TASP1: variants seen among roughly 807,000 people sequenced by gnomAD.
The protein encoded by TASP1 is threonine aspartase 1.
TASP1 carries 16 observed loss-of-function variants against 56.6 expected under a neutral mutation model. The ratio of observed to expected loss-of-function variants is 0.28; its 90% CI spans 0.19 to 0.43. The LOEUF (loss-of-function observed/expected upper bound fraction) is 0.43. TASP1 is among the 20% of genes least tolerant of loss of function. The pLI is 1.00. For synonymous variants in TASP1, 179 were observed against 184.2 expected, an observed-to-expected ratio of 0.97 and a Z score of 0.23; for missense variants, 393 against 511.6, an observed-to-expected ratio of 0.77 and a Z score of 2.24.
At chr20:13,353,915 A>T in the TASP1 span, among the ~76,000 whole-genome samples, 3 of 152,226 alleles carry the variant, frequency 2.0e-5, no homozygotes, top group African/African-American at 7.2e-5. Flanking sequence ...GAGGAAAAAA[A>T]GTAATACGAA....
At chr20:13,278,843 C>A in the TASP1 span, among the ~76,000 whole-genome samples, 2 of 152,180 alleles carry the variant, frequency 1.3e-5, no homozygotes, top group African/African-American at 2.4e-5. Flanking sequence ...CAGAGCTAGA[C>A]GTGGGCTGAG....
chr20:13,285,559 G>C, the TASP1 span, among the ~76,000 whole-genome samples: 1 of 152,198 alleles, frequency 6.6e-6, no homozygotes, highest in Non-Finnish European at 1.5e-5. Context: ...CTTGGGGGAA[G>C]AGTTCCCTGC....
At chr20:13,370,256 A>G in the TASP1 span, among the ~76,000 whole-genome samples, 1 of 152,186 alleles carries the variant, frequency 6.6e-6, no homozygotes, top group Non-Finnish European at 1.5e-5. Flanking sequence ...AACACATGGA[A>G]ATTATAGAGT....
At chr20:13,131,628 C>T in the TASP1 span, among the ~76,000 whole-genome samples, 1 of 152,160 alleles carries the variant, frequency 6.6e-6, no homozygotes, top group Non-Finnish European at 1.5e-5. Context: ...ACACACTCTA[C>T]TTGACATATA....
At chr20:13,112,171 C>T in the TASP1 span, among the ~76,000 whole-genome samples, 5 of 152,228 alleles carry the variant, frequency 3.3e-5, no homozygotes, top group Non-Finnish European at 7.3e-5. Flanking sequence ...AGTTCTTCTA[C>T]TCCACATGGC....
intron 4 of TASP1, among the ~76,000 whole-genome samples, chr20:13,594,172 T>C (rs962968470): frequency 1.3e-5 from 2 of 151,996 alleles, no homozygotes; most frequent in African/African-American, 2.4e-5. Context: ...CAGAAAGAAA[T>C]AGCATCAACA....
the TASP1 span, among the ~76,000 whole-genome samples, chr20:13,180,713 A>G: frequency 2.0e-5 from 3 of 152,204 alleles, no homozygotes; most frequent in African/African-American, 7.2e-5. Context: ...AGTCTGTCCT[A>G]TCCCAAGGAC....
the TASP1 span, among the ~76,000 whole-genome samples, chr20:13,331,409 A>G: frequency 2.6e-5 from 4 of 152,204 alleles, no homozygotes; most frequent in African/African-American, 7.2e-5. Context: ...AAGAAAAGTT[A>G]TTACATCAAA....
the TASP1 span, among the ~76,000 whole-genome samples, chr20:13,115,167 CATAG>C: frequency 2.0e-5 from 3 of 152,166 alleles, no homozygotes; most frequent in Non-Finnish European, 4.4e-5. Flanking sequence ...ATGGGAATAA[CATAG>C]ATAGCCTTTT....
the TASP1 span, among the ~76,000 whole-genome samples, chr20:13,202,585 A>C: frequency 6.6e-6 from 1 of 151,966 alleles, no homozygotes; most frequent in Non-Finnish European, 1.5e-5. Context: ...TAAAAGAAAA[A>C]CTCTAAACAA....
intron 9 of TASP1, among the ~76,000 whole-genome samples, chr20:13,532,454 T>A (rs1005872945): frequency 3.3e-5 from 5 of 152,162 alleles, no homozygotes; most frequent in African/African-American, 1.2e-4. Flanking sequence ...ATCTCCTCTA[T>A]CCAAGCATTA....
intron 4 of TASP1, among the ~76,000 whole-genome samples, chr20:13,592,353 C>T (rs1048605873): frequency 3.3e-5 from 5 of 150,870 alleles, no homozygotes; most frequent in African/African-American, 1.2e-4. Context: ...GCCAAGATAG[C>T]ACCACTGTAC....
the TASP1 span, among the ~76,000 whole-genome samples, chr20:13,207,439 C>T: frequency 1.3e-5 from 2 of 152,182 alleles, no homozygotes; most frequent in South Asian, 4.1e-4. Context: ...TAGACAGACA[C>T]AGTCACAGAC....
chr20:13,219,804 C>T, the TASP1 span, among the ~76,000 whole-genome samples: 2 of 152,250 alleles, frequency 1.3e-5, no homozygotes, highest in South Asian at 4.2e-4. Flanking sequence ...CAAAGTACCG[C>T]GGTGACCGGA....
chr20:13,203,838 T>G, the TASP1 span, among the ~76,000 whole-genome samples: 2 of 152,154 alleles, frequency 1.3e-5, no homozygotes, highest in East Asian at 3.8e-4. Flanking sequence ...GGAGGAGGGA[T>G]TAGGGGCTGG....
chr20:13,632,346 C>T (rs2049124819), intron 1 of TASP1, among the ~76,000 whole-genome samples: 1 of 119,508 alleles, frequency 8.4e-6, no homozygotes, highest in South Asian at 2.6e-4. Flanking sequence ...GCCTGGGCTA[C>T]AGAGCAAGAC....
chr20:13,281,672 C>G, the TASP1 span, among the ~76,000 whole-genome samples: 17 of 152,070 alleles, frequency 1.1e-4, no homozygotes, highest in Non-Finnish European at 8.8e-5. Flanking sequence ...CCACTTAGGA[C>G]AGTAGAAGGA....
intron 10 of TASP1, among the ~76,000 whole-genome samples, chr20:13,489,740 C>T (rs1267599411): frequency 6.6e-5 from 10 of 152,132 alleles, no homozygotes; most frequent in Admixed American, 2.0e-4. Context: ...TTTAAGGCTA[C>T]ATCCATTCCT....
intron 13 of TASP1, among the ~76,000 whole-genome samples, chr20:13,397,539 C>A (rs1244731687): frequency 2.0e-5 from 3 of 152,134 alleles, no homozygotes; most frequent in African/African-American, 7.2e-5. Context: ...CTTGACTCCC[C>A]CTGAAGACTT....
Sources: gnomAD v4.1 joint callset for allele counts (sites outside exome capture counted in the v4.1 genomes callset) on GRCh38, gnomAD v4.1.1 for gene constraint, MANE v1.5 for transcripts, NCBI Gene and HGNC (gene_info 2026-07-23, HGNC 2026-07-21) for gene names.